DAB1: variants seen among roughly 807,000 people sequenced by gnomAD.
DAB1 encodes DAB adaptor protein 1.
DAB1 carries 15 observed loss-of-function variants against 64.6 expected under a neutral mutation model. The observed-to-expected ratio is 0.23, with a 90% CI of 0.16 to 0.36. DAB1 has a LOEUF of 0.36. DAB1 is among the 10% of genes least tolerant of loss of function. The probability of loss-of-function intolerance (pLI) is 1.00; values close to 1 mark genes in which losing one functional copy is unlikely to be tolerated. For missense variants in DAB1, 596 were observed against 706.7 expected, an observed-to-expected ratio of 0.84 and a Z score of 1.78; for synonymous variants, 235 against 251.9, an observed-to-expected ratio of 0.93 and a Z score of 0.64.
intron 4 of DAB1, among the ~76,000 whole-genome samples, chr1:58,337,100 G>T (rs1451581899): frequency 1.3e-5 from 2 of 151,972 alleles, no homozygotes; most frequent in African/African-American, 4.8e-5. Context: ...TGGCCAACAT[G>T]ACGAAACCCC....
chr1:57,468,650 T>C (rs1687037144), intron 7 of DAB1, among the ~76,000 whole-genome samples: 2 of 152,066 alleles, frequency 1.3e-5, no homozygotes, highest in Non-Finnish European at 2.9e-5. Flanking sequence ...AATGTGTATA[T>C]TTGGGGGTTG....
intron 3 of DAB1, among the ~76,000 whole-genome samples, chr1:58,431,704 GTTGT>G (rs1277323492): frequency 6.6e-6 from 1 of 152,050 alleles, no homozygotes; most frequent in East Asian, 1.9e-4. Context: ...TATCTATGCT[GTTGT>G]TTAACAGTTA....
chr1:58,295,787 G>A (rs1661958043), intron 4 of DAB1, among the ~76,000 whole-genome samples: 1 of 152,010 alleles, frequency 6.6e-6, no homozygotes, highest in East Asian at 1.9e-4. Context: ...ATGGGAACAT[G>A]GATATCAAAG....
chr1:57,026,328 T>C (rs901776064), intron 9 of DAB1, among the ~76,000 whole-genome samples: 64 of 152,332 alleles, frequency 4.2e-4, no homozygotes, highest in Admixed American at 8.5e-4. Context: ...TTCACACTTA[T>C]TTACCATCAA....
intron 7 of DAB1, among the ~76,000 whole-genome samples, chr1:57,489,006 G>A (rs1644128503): frequency 6.6e-6 from 1 of 152,162 alleles, no homozygotes. Flanking sequence ...AGGGCACATC[G>A]ATGGAAGACC....
chr1:57,066,245 A>G (rs938919574), intron 8 of DAB1, among the ~76,000 whole-genome samples: 3 of 152,228 alleles, frequency 2.0e-5, no homozygotes, highest in Admixed American at 6.5e-5. Context: ...ATTGAAGAAC[A>G]CTAGATTTAG....
At chr1:57,639,653 T>C (rs1433968582) in intron 7 of DAB1, among the ~76,000 whole-genome samples, 1 of 152,124 alleles carries the variant, frequency 6.6e-6, no homozygotes, top group Non-Finnish European at 1.5e-5. Flanking sequence ...CCTCTTTCAT[T>C]CAACAAATAC....
intron 7 of DAB1, among the ~76,000 whole-genome samples, chr1:57,493,563 G>A (rs371086774): frequency 2.2e-4 from 34 of 152,152 alleles, no homozygotes; most frequent in African/African-American, 6.3e-4. Flanking sequence ...TGCTTCCACC[G>A]TTGGGCTACT....
intron 3 of DAB1, among the ~76,000 whole-genome samples, chr1:58,451,918 T>TA (rs1317801512): frequency 7.1e-6 from 1 of 140,140 alleles, no homozygotes; most frequent in Non-Finnish European, 1.5e-5. Flanking sequence ...TTTTTTTCTT[T>TA]CCTTTTTTTT....
intron 1 of DAB1, among the ~76,000 whole-genome samples, chr1:57,848,387 A>C (rs1423056429): frequency 2.0e-5 from 3 of 152,278 alleles, no homozygotes; most frequent in Admixed American, 2.0e-4. Flanking sequence ...AATATATGAA[A>C]ACCTATTTTA....
intron 7 of DAB1, among the ~76,000 whole-genome samples, chr1:57,636,096 C>CAAAA (rs61007751): frequency 0.012 from 779 of 64,760 alleles, 57 homozygotes; most frequent in East Asian, 0.021. Context: ...GACACGGTCT[C>CAAAA]AAAAAAAAAA....
At chr1:58,518,302 A>G (rs865822127) in intron 2 of DAB1, among the ~76,000 whole-genome samples, 20 of 73,806 alleles carry the variant, frequency 2.7e-4, no homozygotes, top group Non-Finnish European at 4.3e-4. Flanking sequence ...AGAGAAGAGA[A>G]GAGAAGAGAA....
At chr1:57,627,903 A>C (rs1489273588) in intron 7 of DAB1, among the ~76,000 whole-genome samples, 1 of 148,780 alleles carries the variant, frequency 6.7e-6, no homozygotes, top group East Asian at 1.9e-4. Context: ...AGATCCTTGG[A>C]GTTAACTCTC....
intron 7 of DAB1, among the ~76,000 whole-genome samples, chr1:57,521,723 G>A (rs12067444): frequency 0.07 from 10,627 of 152,192 alleles, 1,159 homozygotes; most frequent in African/African-American, 0.23. Context: ...CTGATAGATA[G>A]AACATTATCA....
chr1:57,541,726 A>C (rs1033304012), intron 7 of DAB1, among the ~76,000 whole-genome samples: 2 of 152,212 alleles, frequency 1.3e-5, no homozygotes, highest in African/African-American at 4.8e-5. Flanking sequence ...AAAAAAAACA[A>C]GGTAATGAAC....
chr1:58,239,789 A>G (rs1474574018), intron 4 of DAB1, among the ~76,000 whole-genome samples: 1 of 152,170 alleles, frequency 6.6e-6, no homozygotes, highest in Non-Finnish European at 1.5e-5. Context: ...TGAGGAATAA[A>G]TAAGAAATAA....
rs1645640304 is a variant in DAB1, at chr1:56,996,824, C to T, written c.*1320G>A. 1 of 152,176 alleles carries T rather than the reference C, an allele frequency of 6.6e-6. No individual in the cohort carries two copies. Among genetic ancestry groups the T allele is most frequent in the Non-Finnish European group, 1.5e-5 (1 of 68,028 alleles). The allele number at this position is 152,176 out of a possible 1,614,324, so 9.4% of individuals were successfully genotyped here. Reference sequence around the variant, plus strand: ...TCACACCTTGCACTCAATCTGCTACCTTCTCTACAGTGTAATGGCATTATT... The same window carrying T: ...TCACACCTTGCACTCAATCTGCTACTTTCTCTACAGTGTAATGGCATTATT... On this transcript the variant is annotated 3_prime_UTR_variant, in exon 15 of 15. Coordinates refer to ENST00000371236, the MANE Select transcript of DAB1 (RefSeq NM_001365792.1).
intron 4 of DAB1, among the ~76,000 whole-genome samples, chr1:58,337,491 T>C (rs552385270): frequency 1.3e-5 from 2 of 152,270 alleles, no homozygotes; most frequent in Admixed American, 1.3e-4. Context: ...ATTGGTAGCA[T>C]AATACAGTGG....
At chr1:57,263,689 G>C (rs1296725127) in intron 2 of DAB1, among the ~76,000 whole-genome samples, 1 of 152,154 alleles carries the variant, frequency 6.6e-6, no homozygotes, top group African/African-American at 2.4e-5. Flanking sequence ...TGAAAAAGCT[G>C]CAATTCTTCA....
Sources: gnomAD v4.1 joint callset for allele counts (sites outside exome capture counted in the v4.1 genomes callset) on GRCh38, gnomAD v4.1.1 for gene constraint, MANE v1.5 for transcripts, NCBI Gene and HGNC (gene_info 2026-07-23, HGNC 2026-07-21) for gene names.